The following TCOF1 variants were observed in gnomAD, a reference collection of about 807,000 sequenced individuals.
TCOF1 encodes the protein treacle ribosome biogenesis factor 1.
TCOF1 carries 33 observed loss-of-function variants against 149.0 expected under a neutral mutation model. The ratio of observed to expected loss-of-function variants is 0.22; its 90% CI spans 0.17 to 0.30. The LOEUF (loss-of-function observed/expected upper bound fraction) is 0.30. Among genes scored for constraint, TCOF1 ranks in the 10% least tolerant of loss-of-function variants. TCOF1 has a pLI of 1.00. For synonymous variants in TCOF1, 789 were observed against 738.8 expected (o/e 1.07, Z -1.10); for missense variants, 1,728 against 1,840.7 (o/e 0.94, Z 1.12).
chr5:150,376,455 A>T lies in TCOF1; in HGVS notation c.2175A>T (p.Lys725Asn). The change falls in exon 14 of 27, where the codon AAA becomes AAT. Residue 725 changes from lysine to asparagine, a missense_variant. By Grantham distance (94) the Lys-to-Asn change is moderately conservative. Coordinates refer to ENST00000643257, the MANE Select transcript of TCOF1 (RefSeq NM_001371623.1). ...CTGTGGGGAAAGGCCTCCAGGTGAAAGCAGCCTCAGTGCCTGTCAAGGGGT... is the reference window on the plus strand; with the variant it reads ...CTGTGGGGAAAGGCCTCCAGGTGAATGCAGCCTCAGTGCCTGTCAAGGGGT... Reference protein sequence around the residue: ...AKSVGKGLQVKAASVPVKGSL... With the variant: ...AKSVGKGLQVNAASVPVKGSL... 1 of 1,614,198 alleles carries T rather than the reference A, an allele frequency of 6.2e-7. No individual in the cohort carries two copies. The highest frequency in any genetic ancestry group is 2.2e-5 in the East Asian group (1 of 44,880).
chr5:150,360,401 C>G (rs1759777493), intron 1 of TCOF1, among the ~76,000 whole-genome samples: 1 of 152,228 alleles, frequency 6.6e-6, no homozygotes, highest in Admixed American at 6.5e-5. Flanking sequence ...AGTCTTCTCC[C>G]AGCAGACTAG....
rs1269958683 is a variant in TCOF1 at position 150,379,624 on chromosome 5, G to A, written c.2751G>A (p.Gly917=). ...AAGGGGCTGCCCCAACACCTCCTGG[G>A]AAGACAGGGCCTTCGGCTGCCCAGG... is the stretch of plus-strand genomic sequence containing the variant. ...PRKGAAPTPP[G]KTGPSAAQAG... Residue 917 remains glycine (G), a synonymous_variant, in exon 17 of 27, where the codon GGG becomes GGA. Coordinates refer to ENST00000643257, the MANE Select transcript of TCOF1 (RefSeq NM_001371623.1). The A allele has an allele frequency of 6.2e-7, 1 of 1,614,056 alleles. No homozygotes were observed. The highest frequency in any genetic ancestry group is 1.7e-5 in the Admixed American group (1 of 60,028).
intron 24 of TCOF1, among the ~76,000 whole-genome samples, chr5:150,397,154 A>C (rs1228632510): frequency 2.5e-4 from 1 of 3,922 alleles, no homozygotes; most frequent in Admixed American, 4.2e-3. Context: ...CAAGACTGTC[A>C]AAAAAAAAAA....
chr5:150,396,178 T>A, intron 23 of TCOF1, 104 bp from the exon 24 acceptor site: 2 of 1,321,500 alleles, frequency 1.5e-6, no homozygotes, highest in Non-Finnish European at 2.2e-6. Context: ...TGTGCCATTG[T>A]AAGAAAAGAT....
At chr5:150,397,989 C>T (rs759515746) in intron 24 of TCOF1, among the ~76,000 whole-genome samples, 1 of 152,168 alleles carries the variant, frequency 6.6e-6, no homozygotes, top group Non-Finnish European at 1.5e-5. Flanking sequence ...GTGTCAGGAA[C>T]GCAGCTCACT....
At chr5:150,396,908 C>CCT in intron 24 of TCOF1, 66 bp downstream of exon 24, 1 of 1,527,458 alleles carries the variant, frequency 6.5e-7, no homozygotes, top group South Asian at 1.2e-5. Flanking sequence ...CGGGAGGGAC[C>CCT]CTCAGCCAGC....
rs2150734334 is a variant in TCOF1, at chr5:150,376,181, G to GC, written c.1999dup (p.Arg667ProfsTer31). 6.2e-7 allele frequency: 1 copy of GC among 1,614,174 alleles called. No individual in the cohort carries two copies. On this transcript the variant is annotated frameshift_variant, in exon 13 of 27. Transcript: ENST00000643257. LOFTEE classifies it high-confidence loss of function. ...CGCCCCTGTGCGAGTGGGCACCCAAGCCCCCCGGAAAGCAGGAACTGCGAC... is the reference window on the plus strand; with the variant it reads ...CGCCCCTGTGCGAGTGGGCACCCAAGCCCCCCCGGAAAGCAGGAACTGCGAC...
chr5:150,396,979 A>G lies in TCOF1; in HGVS notation c.4345+137A>G, dbSNP rs188106278. 1.5e-3 allele frequency: 1,521 copies of G among 1,046,594 alleles called. 11 individuals carry two copies. In the African/African-American group the frequency reaches 0.022, roughly 15 times the overall value. The allele number at this position is 1,046,594 out of a possible 1,614,324, so 64.8% of individuals were successfully genotyped here. ...CTGAGACCAGCCTGGCCAACATGGC[A>G]AAACCCCGTCTCTACTAAAAATACA... On this transcript the variant is annotated intron_variant, in intron 24 of 26. Coordinates refer to ENST00000643257, the MANE Select transcript of TCOF1 (RefSeq NM_001371623.1).
At chr5:150,357,883 C>T in intron 1 of TCOF1, 29 bp downstream of exon 1, 2 of 1,544,850 alleles carry the variant, frequency 1.3e-6, no homozygotes, top group Middle Eastern at 1.9e-4. Context: ...TGTGCGAGGG[C>T]CGCGTGCAAG....
chr5:150,383,906 C>T (rs931411231), intron 17 of TCOF1: 7 of 1,520,398 alleles, frequency 4.6e-6, no homozygotes, highest in Middle Eastern at 2.2e-4. Context: ...ACTCCAGAGG[C>T]CCAAGTCAGC....
intron 18 of TCOF1, 21 bp from the exon 19 acceptor site, chr5:150,389,866 C>T: frequency 6.2e-7 from 1 of 1,614,198 alleles, no homozygotes; most frequent in Non-Finnish European, 8.5e-7. Flanking sequence ...CCTGATGTGC[C>T]CCCATCTCGC....
chr5:150,375,517 GTGA>G lies in TCOF1; in HGVS notation c.1670_1672del (p.Asp557del), dbSNP rs1291454686. The G allele has an allele frequency of 6.2e-7, 1 of 1,614,088 alleles. No individual in the cohort carries two copies. Among genetic ancestry groups the G allele is most frequent in the African/African-American group, 1.3e-5 (1 of 74,938 alleles). On this transcript the variant is annotated inframe_deletion, in exon 11 of 27. Coordinates refer to ENST00000643257, the MANE Select transcript of TCOF1 (RefSeq NM_001371623.1). Reference sequence around the variant, plus strand: ...AGTAGTGAGGAGTCATCAGACAGCAGTGATGGAGAGGTGCCCACAGCTGTGGCC... The same window carrying G: ...AGTAGTGAGGAGTCATCAGACAGCAGTGGAGAGGTGCCCACAGCTGTGGCC...
intron 3 of TCOF1, chr5:150,367,615 G>A: frequency 1.8e-6 from 1 of 560,960 alleles, no homozygotes; most frequent in Non-Finnish European, 3.3e-6. Context: ...AATCCATCAA[G>A]GATGCAGACA....
chr5:150,370,589 C>G (rs2150587977), intron 6 of TCOF1, among the ~76,000 whole-genome samples: 1 of 152,300 alleles, frequency 6.6e-6, no homozygotes, highest in Admixed American at 6.5e-5. Flanking sequence ...CTCCTGACCT[C>G]AAGTGGTCCA....
Position 150,375,859 on chromosome 5 carries a change from T to TCGGACAGTG in TCOF1, c.1853_1861dup (p.Ala618_Ser620dup), listed in dbSNP as rs1231472147. The TCGGACAGTG allele has an allele frequency of 2.5e-6, 4 of 1,613,786 alleles. No homozygotes were observed. Among genetic ancestry groups the TCGGACAGTG allele is most frequent in the Admixed American group, 1.7e-5 (1 of 60,020 alleles). On this transcript the variant is annotated inframe_insertion, in exon 12 of 27. Transcript: ENST00000643257. ...CAACTCGGAGAGCAGCGAGGAGTCATCGGACAGTGCGGACAGTGAGGAGGC... is the reference window on the plus strand; with the variant it reads ...CAACTCGGAGAGCAGCGAGGAGTCATCGGACAGTGCGGACAGTGCGGACAGTGAGGAGGC...
In TCOF1 at chr5:150,391,677, G is replaced by A; in HGVS notation, c.3297+20G>A. The stretch of plus-strand genomic sequence containing the variant: ...AGTGGGGTGAGCTTGGGGAGCCAGG[G>A]GAAGCAAGCCCACGGAGCGTAGAAG... On this transcript the variant is annotated intron_variant, in intron 20 of 26. Coordinates refer to ENST00000643257, the MANE Select transcript of TCOF1 (RefSeq NM_001371623.1). The A allele has an allele frequency of 6.2e-7, 1 of 1,606,690 alleles. No individual in the cohort carries two copies. Among genetic ancestry groups the A allele is most frequent in the Non-Finnish European group, 8.5e-7 (1 of 1,174,916 alleles).
intron 14 of TCOF1, among the ~76,000 whole-genome samples, chr5:150,377,569 T>G (rs557929672): frequency 6.6e-6 from 1 of 152,360 alleles, no homozygotes; most frequent in East Asian, 1.9e-4. Flanking sequence ...TTCTTTTTTC[T>G]CTGTACCAGA....
intron 1 of TCOF1, among the ~76,000 whole-genome samples, chr5:150,360,209 G>A (rs1272388674): frequency 3.3e-5 from 5 of 152,210 alleles, no homozygotes; most frequent in African/African-American, 9.7e-5. Context: ...TCTGAAGTTC[G>A]AAGACGTGAC....
chr5:150,396,266 C>A lies in TCOF1; in HGVS notation c.3785-16C>A, dbSNP rs752291750. 1 of 1,613,900 alleles carries A rather than the reference C, an allele frequency of 6.2e-7. No homozygotes were observed. The highest frequency in any genetic ancestry group is 1.3e-5 in the African/African-American group (1 of 74,938). On this transcript the variant is annotated splice_polypyrimidine_tract_variant and intron_variant, in intron 23 of 26. Transcript: ENST00000643257. ...CAACTCTCCCAGATCTGTGACCCCA[C>A]ATTCTCTCTCCATAGGTGGAAAAGA...
Sources: gnomAD v4.1 joint callset for allele counts (sites outside exome capture counted in the v4.1 genomes callset) on GRCh38, gnomAD v4.1.1 for gene constraint, MANE v1.5 for transcripts, NCBI Gene and HGNC (gene_info 2026-07-23, HGNC 2026-07-21) for gene names.